The following FYN variants were observed in gnomAD, a reference collection of about 807,000 sequenced individuals.
The protein encoded by FYN is FYN proto-oncogene, Src family tyrosine kinase, also known as tyrosine-protein kinase Fyn.
In FYN, 10 loss-of-function variants were observed where a neutral mutation model predicts 70.2. The observed-to-expected ratio is 0.14, with a 90% CI of 0.09 to 0.24. FYN has a LOEUF of 0.24. Ranked by LOEUF, FYN falls within the 10% of genes least tolerant of loss-of-function variation. The pLI is 1.00. For missense variants in FYN, 319 were observed against 673.1 expected (o/e 0.47, Z 5.82); for synonymous variants, 236 against 248.6 (o/e 0.95, Z 0.48).
At chr6:111,676,570 T>C (rs1437368039) in intron 12 of FYN, 6 of 152,234 alleles carry the variant, frequency 3.9e-5, no homozygotes, top group African/African-American at 1.2e-4. Context: ...ATTAATGTGA[T>C]AGATTTTCTT....
chr6:111,816,135 AT>A lies in FYN; in HGVS notation c.-82+30453del, dbSNP rs574125828. 1.8e-3 allele frequency among the ~76,000 whole-genome samples: 277 copies of A among 152,130 alleles called. 1 individual carries two copies. Among genetic ancestry groups the A allele is most frequent in the African/African-American group, 6.0e-3 (251 of 41,502 alleles). ...ATATTTTTAGGCATTTACCTTTATG[AT>A]TTTTTTTAAGTACTCCTTAAATGCC... On this transcript the variant is annotated intron_variant, in intron 2 of 13. Transcript: ENST00000354650.
At chr6:111,848,019 C>G (rs897675671) in intron 1 of FYN, among the ~76,000 whole-genome samples, 1 of 152,226 alleles carries the variant, frequency 6.6e-6, no homozygotes, top group Non-Finnish European at 1.5e-5. Context: ...GGCTAACCCA[C>G]TAGGGATCTA....
chr6:111,690,896 C>T (rs1043784676), intron 12 of FYN, among the ~76,000 whole-genome samples: 6 of 152,142 alleles, frequency 3.9e-5, no homozygotes, highest in Non-Finnish European at 7.4e-5. Context: ...TGCTGACTGT[C>T]GTGCAGTCTT....
intron 2 of FYN, among the ~76,000 whole-genome samples, chr6:111,807,110 G>A (rs939271035): frequency 6.6e-6 from 1 of 152,186 alleles, no homozygotes; most frequent in African/African-American, 2.4e-5. Context: ...CATTTCATGG[G>A]CTTATAACAA....
At chr6:111,768,523 G>A (rs1803319638) in intron 3 of FYN, among the ~76,000 whole-genome samples, 5 of 152,198 alleles carry the variant, frequency 3.3e-5, no homozygotes, top group Admixed American at 3.3e-4. Context: ...AATTGAGTAA[G>A]AGCAGGTGGT....
At chr6:111,775,043 T>C (rs962019116) in intron 3 of FYN, among the ~76,000 whole-genome samples, 3 of 152,126 alleles carry the variant, frequency 2.0e-5, no homozygotes, top group African/African-American at 7.2e-5. Context: ...TTAAATGAGC[T>C]ATGCCTACGA....
At chr6:111,685,238 C>G (rs1410683045) in intron 12 of FYN, among the ~76,000 whole-genome samples, 2 of 152,240 alleles carry the variant, frequency 1.3e-5, no homozygotes, top group African/African-American at 4.8e-5. Flanking sequence ...CAGCCACCCC[C>G]AGAAGGGGCA....
chr6:111,860,575 CA>C (rs1773936494), intron 1 of FYN, among the ~76,000 whole-genome samples: 1 of 152,176 alleles, frequency 6.6e-6, no homozygotes, highest in African/African-American at 2.4e-5. Context: ...GACTCTTCCC[CA>C]CATGGCATGT....
chr6:111,661,636 T>C lies in FYN; in HGVS notation c.*103A>G, dbSNP rs935382635. On this transcript the variant is annotated 3_prime_UTR_variant, in exon 14 of 14. Coordinates refer to ENST00000354650, the MANE Select transcript of FYN (RefSeq NM_002037.5). The surrounding 1 kb of genome is among the most constrained non-coding windows in gnomAD (Gnocchi z 4.0). ...TTCAGAGTCACATGCAATCTGATCC[T>C]GGGCGGTTCCGCTGCTGGGGAGCAG... 32 of 1,087,972 alleles carry C rather than the reference T, an allele frequency of 2.9e-5. No individual in the cohort carries two copies. The highest frequency in any genetic ancestry group is 8.9e-5 in the South Asian group (6 of 67,272). The allele number at this position is 1,087,972 out of a possible 1,614,324, so 67.4% of individuals were successfully genotyped here. A position where few individuals can be genotyped will look rare whatever the true frequency, so the allele number is the denominator to read the frequency against.
chr6:111,812,604 CTTTTTT>C (rs369326017), intron 2 of FYN, among the ~76,000 whole-genome samples: 5 of 101,284 alleles, frequency 4.9e-5, no homozygotes, highest in South Asian at 3.6e-4. Flanking sequence ...AGAAATTTTC[CTTTTTT>C]TTTTTTTTTT....
In FYN at chr6:111,833,355, T is replaced by C. The variant is rs1341419355; in HGVS notation, c.-82+13234A>G. Among the ~76,000 whole-genome samples the C allele has an allele frequency of 1.4e-4, 21 of 152,324 alleles. No homozygotes were observed. In the East Asian group the frequency reaches 3.3e-3, roughly 24 times the overall value. ...CACTTGTGTTTTGGGGAAAGTAATC[T>C]CCAAAATATCTGTGTGCCTCTGCGT... On this transcript the variant is annotated intron_variant, in intron 2 of 13. Coordinates refer to ENST00000354650, the MANE Select transcript of FYN (RefSeq NM_002037.5).
intron 5 of FYN, among the ~76,000 whole-genome samples, chr6:111,712,371 A>G (rs1800421786): frequency 6.6e-6 from 1 of 152,214 alleles, no homozygotes; most frequent in Non-Finnish European, 1.5e-5. Context: ...AAGCAGCAAA[A>G]TAACAGCAAG....
intron 12 of FYN, among the ~76,000 whole-genome samples, chr6:111,693,430 A>C (rs980650710): frequency 5.3e-5 from 8 of 152,046 alleles, no homozygotes; most frequent in African/African-American, 1.9e-4. Flanking sequence ...AGGAGCCTAT[A>C]CTCGATTGCA....
At chr6:111,668,336 C>A (rs1451138794) in intron 13 of FYN, among the ~76,000 whole-genome samples, 1 of 152,098 alleles carries the variant, frequency 6.6e-6, no homozygotes, top group Non-Finnish European at 1.5e-5. Flanking sequence ...TAATGACTTG[C>A]TTTGTTTCTC....
intron 1 of FYN, among the ~76,000 whole-genome samples, chr6:111,865,287 G>C (rs1342033118): frequency 6.6e-6 from 1 of 152,192 alleles, no homozygotes; most frequent in Non-Finnish European, 1.5e-5. Flanking sequence ...CCAAGAAGGA[G>C]ACCCAAGTCA....
chr6:111,681,366 G>C (rs1798774597), intron 12 of FYN, among the ~76,000 whole-genome samples: 1 of 152,124 alleles, frequency 6.6e-6, no homozygotes, highest in Admixed American at 6.5e-5. Context: ...TTGCTATGTT[G>C]CCCAGGCTAG....
At chr6:111,701,826 G>T (rs1444857725) in intron 8 of FYN, among the ~76,000 whole-genome samples, 1 of 152,126 alleles carries the variant, frequency 6.6e-6, no homozygotes, top group Non-Finnish European at 1.5e-5. Flanking sequence ...CACATAAACC[G>T]AGTTAGCCAA....
At chr6:111,704,169 T>C (rs1799962051) in intron 6 of FYN, 67 bp from the exon 7 acceptor site, 3 of 1,217,932 alleles carry the variant, frequency 2.5e-6, no homozygotes, top group Non-Finnish European at 3.5e-6. Flanking sequence ...CAGCATAGGC[T>C]TTTTTTTTGC....
At chr6:111,862,831 A>G (rs115373439) in intron 1 of FYN, among the ~76,000 whole-genome samples, 7,690 of 152,252 alleles carry the variant, frequency 0.051, 248 homozygotes, top group South Asian at 0.12. Flanking sequence ...GAAGCTTTTG[A>G]GAGTTGGGAT....
Sources: gnomAD v4.1 joint callset for allele counts (sites outside exome capture counted in the v4.1 genomes callset) on GRCh38, gnomAD v4.1.1 for gene constraint, Gnocchi (gnomAD v3.1) non-coding constraint, MANE v1.5 for transcripts, NCBI Gene and HGNC (gene_info 2026-07-23, HGNC 2026-07-21) for gene names.